CA8: variants seen among roughly 807,000 people sequenced by gnomAD.
CA8 encodes carbonic anhydrase 8 (inactive).
A neutral mutation model predicts 41.4 loss-of-function variants in CA8; 22 were observed. That is an observed-to-expected ratio of 0.53 (90% CI 0.38 to 0.76). CA8 has a LOEUF of 0.76. Ranked by LOEUF, CA8 falls within the 30% of genes least tolerant of loss-of-function variation. The pLI is 0.00. For synonymous variants in CA8, 121 were observed against 130.6 expected (o/e 0.93, Z 0.50); for missense variants, 270 against 352.8 (o/e 0.77, Z 1.88).
Position 60,232,136 on chromosome 8 carries a change from A to G in CA8, c.513+148T>C, listed in dbSNP as rs1003766793. On this transcript the variant is annotated intron_variant, in intron 4 of 8. Coordinates refer to ENST00000317995, the MANE Select transcript of CA8 (RefSeq NM_004056.6). ...ATATGTCTGAACTCCGATAAACCAT[A>G]AGGATCAAGTTTTCTGTTTTTATCA... is the stretch of plus-strand genomic sequence containing the variant. 1.5e-5 allele frequency: 10 copies of G among 676,652 alleles called. No homozygotes were observed. The Admixed American group carries it at 1.8e-4, about 12-fold the overall frequency. 41.9% of individuals were successfully genotyped at this position (676,652 alleles called of 1,614,324 possible).
At chr8:60,276,879 G>A (rs1208438806) in intron 2 of CA8, among the ~76,000 whole-genome samples, 1 of 152,190 alleles carries the variant, frequency 6.6e-6, no homozygotes, top group African/African-American at 2.4e-5. Context: ...AGCACTTTGG[G>A]AGGCCGAGGT....
At chr8:60,235,053 G>A (rs571111077) in intron 3 of CA8, among the ~76,000 whole-genome samples, 6 of 152,192 alleles carry the variant, frequency 3.9e-5, no homozygotes, top group African/African-American at 1.4e-4. Context: ...TGCCTCTCAA[G>A]TTAGCTCACT....
At chr8:60,199,785 T>C (rs1280207533) in intron 8 of CA8, among the ~76,000 whole-genome samples, 4 of 152,230 alleles carry the variant, frequency 2.6e-5, no homozygotes, top group African/African-American at 4.8e-5. Context: ...AAGTTTTAAC[T>C]GCAATGTTTA....
rs1368794096 is a variant in CA8 at position 60,208,736 on chromosome 8, T to C, written c.*35+14A>G. 1 of 1,612,322 alleles carries C rather than the reference T, an allele frequency of 6.2e-7. No individual in the cohort carries two copies. Among genetic ancestry groups the C allele is most frequent in the South Asian group, 1.1e-5 (1 of 91,046 alleles). ...AGCTGTGCACCTCATTTTCCTTACT[T>C]AATCTGGACATACCCTCATGAAGAC... On this transcript the variant is annotated intron_variant, in intron 8 of 8. Transcript: ENST00000317995.
chr8:60,266,067 T>G lies in CA8; in HGVS notation c.293-18A>C, dbSNP rs1310127509. The G allele has an allele frequency of 6.2e-7, 1 of 1,612,296 alleles. No individual in the cohort carries two copies. The highest frequency in any genetic ancestry group is 2.2e-5 in the East Asian group (1 of 44,868). ...CGAAAGAACTGAAAAAGAAAATATA[T>G]GTTACCGAATTACAGCACACATTTA... On this transcript the variant is annotated intron_variant, in intron 2 of 8. Coordinates refer to ENST00000317995, the MANE Select transcript of CA8 (RefSeq NM_004056.6).
At chr8:60,261,162 A>G (rs1305399430) in intron 3 of CA8, among the ~76,000 whole-genome samples, 1 of 152,132 alleles carries the variant, frequency 6.6e-6, no homozygotes, top group Non-Finnish European at 1.5e-5. Context: ...ATATATTACG[A>G]GATAAAGTCT....
At position 60,188,360 on chromosome 8, in the gene CA8, G is replaced by A. The variant is rs780604353; in HGVS notation, c.*1661C>T. ...ATCCCTGACTGTTCAGCACCAACCC[G>A]GTCAGGAGTGGAGAGGCTGGTACCT... On this transcript the variant is annotated 3_prime_UTR_variant, in exon 9 of 9. Coordinates refer to ENST00000317995, the MANE Select transcript of CA8 (RefSeq NM_004056.6). 6.6e-5 allele frequency: 10 copies of A among 152,140 alleles called. No individual in the cohort carries two copies. The highest frequency in any genetic ancestry group is 1.0e-4 in the Non-Finnish European group (7 of 68,018). 9.4% of individuals were successfully genotyped at this position (152,140 alleles called of 1,614,324 possible). A position where few individuals can be genotyped will look rare whatever the true frequency, so the allele number is the denominator to read the frequency against.
At chr8:60,232,864 G>A (rs150342703) in intron 3 of CA8, among the ~76,000 whole-genome samples, 23 of 151,834 alleles carry the variant, frequency 1.5e-4, no homozygotes, top group African/African-American at 5.3e-4. Context: ...TTCAGAGATA[G>A]CATCCTGGAA....
intron 2 of CA8, among the ~76,000 whole-genome samples, chr8:60,272,505 C>T (rs77208908): frequency 0.018 from 2,722 of 152,254 alleles, 64 homozygotes; most frequent in African/African-American, 0.061. Flanking sequence ...ATGAACAAAT[C>T]TCTTCCAGAC....
At position 60,187,208 on chromosome 8, in the gene CA8, T is replaced by C. The variant is rs569876512; in HGVS notation, c.*2813A>G. On this transcript the variant is annotated 3_prime_UTR_variant, in exon 9 of 9. Coordinates refer to ENST00000317995, the MANE Select transcript of CA8 (RefSeq NM_004056.6). Reference sequence around the variant, plus strand: ...TCATAAATATGTGGAAATTAAACAATGTACTCCTAAATAACCATTGCATCA... The same window carrying C: ...TCATAAATATGTGGAAATTAAACAACGTACTCCTAAATAACCATTGCATCA... 2 of 152,166 alleles carry C rather than the reference T, an allele frequency of 1.3e-5. No individual in the cohort carries two copies. The highest frequency in any genetic ancestry group is 2.4e-5 in the African/African-American group (1 of 41,562). The allele number at this position is 152,166 out of a possible 1,614,324, so 9.4% of individuals were successfully genotyped here. A position where few individuals can be genotyped will look rare whatever the true frequency, so the allele number is the denominator to read the frequency against.
intron 2 of CA8, among the ~76,000 whole-genome samples, chr8:60,267,701 G>A (rs895728938): frequency 6.6e-6 from 1 of 152,146 alleles, no homozygotes; most frequent in African/African-American, 2.4e-5. Flanking sequence ...CAGGGATAGG[G>A]AAACCCAAAT....
intron 7 of CA8, among the ~76,000 whole-genome samples, chr8:60,214,851 A>T (rs1000479553): frequency 2.0e-5 from 3 of 152,216 alleles, no homozygotes; most frequent in Non-Finnish European, 4.4e-5. Flanking sequence ...TCATGTATCC[A>T]CAGGGTGAAA....
At chr8:60,208,475 C>A (rs1454410310) in intron 8 of CA8, 1 of 406,414 alleles carries the variant, frequency 2.5e-6, no homozygotes, top group Non-Finnish European at 4.6e-6. Context: ...TTTTTCTGGG[C>A]CTGAGGGTGT....
At chr8:60,239,614 C>A (rs904961582) in intron 3 of CA8, among the ~76,000 whole-genome samples, 1 of 152,144 alleles carries the variant, frequency 6.6e-6, no homozygotes, top group Non-Finnish European at 1.5e-5. Context: ...ACAAGCTTGC[C>A]CTAGAGAAAT....
chr8:60,217,658 A>G (rs1040014417), intron 7 of CA8, among the ~76,000 whole-genome samples: 6 of 152,262 alleles, frequency 3.9e-5, no homozygotes, highest in Admixed American at 3.9e-4. Flanking sequence ...TAAACTTGGC[A>G]TCTTCTCCAT....
rs909963225 is a variant in CA8, at chr8:60,187,696, A to G, written c.*2325T>C. 2.0e-5 allele frequency: 3 copies of G among 152,214 alleles called. No individual in the cohort carries two copies. The highest frequency in any genetic ancestry group is 4.4e-5 in the Non-Finnish European group (3 of 68,038). 9.4% of individuals were successfully genotyped at this position (152,214 alleles called of 1,614,324 possible). A position where few individuals can be genotyped will look rare whatever the true frequency, so the allele number is the denominator to read the frequency against. Reference sequence around the variant, plus strand: ...CCATCAGGTACGTTAGTTACCATGAATCAGAGGCACTTACATGTGTATAAG... The same window carrying G: ...CCATCAGGTACGTTAGTTACCATGAGTCAGAGGCACTTACATGTGTATAAG... On this transcript the variant is annotated 3_prime_UTR_variant, in exon 9 of 9. Coordinates refer to ENST00000317995, the MANE Select transcript of CA8 (RefSeq NM_004056.6).
chr8:60,273,943 T>C (rs1458207922), intron 2 of CA8, among the ~76,000 whole-genome samples: 1 of 152,244 alleles, frequency 6.6e-6, no homozygotes, highest in Non-Finnish European at 1.5e-5. Flanking sequence ...GTTAGAAGTT[T>C]TAGTTTGATA....
rs111460983 is a variant in CA8, at chr8:60,226,916, C to T, written c.533G>A (p.Gly178Asp). 1.9e-6 allele frequency: 3 copies of T among 1,603,172 alleles called. No individual in the cohort carries two copies. Among genetic ancestry groups the T allele is most frequent in the Non-Finnish European group, 2.6e-6 (3 of 1,170,280 alleles). ...GAGGATTTCAGTCACAGCCTTCAAG[C>T]CAACATGTTCCTTTCCTATCTGAAA... ...LFVQIGKEHVGLKAVTEILQD... is the reference protein window; with the variant it reads ...LFVQIGKEHVDLKAVTEILQD... Residue 178 changes from glycine (G) to aspartate (D), a missense_variant, in exon 5 of 9, where the codon GGC becomes GAC. By Grantham distance (94) the Gly-to-Asp change is moderately conservative. Coordinates refer to ENST00000317995, the MANE Select transcript of CA8 (RefSeq NM_004056.6).
chr8:60,271,307 G>A (rs941828644), intron 2 of CA8, among the ~76,000 whole-genome samples: 24 of 151,778 alleles, frequency 1.6e-4, no homozygotes, highest in Non-Finnish European at 2.6e-4. Flanking sequence ...GTACTCCAGC[G>A]TGGCCAACAG....
Sources: gnomAD v4.1 joint callset for allele counts (sites outside exome capture counted in the v4.1 genomes callset) on GRCh38, gnomAD v4.1.1 for gene constraint, MANE v1.5 for transcripts, NCBI Gene and HGNC (gene_info 2026-07-23, HGNC 2026-07-21) for gene names.